GRIK3: variants seen among roughly 807,000 people sequenced by gnomAD.
GRIK3 encodes the protein glutamate ionotropic receptor kainate type subunit 3, also known as glutamate receptor ionotropic, kainate 3.
GRIK3 carries 29 observed loss-of-function variants against 102.5 expected under a neutral mutation model. The observed-to-expected ratio is 0.28, with a 90% CI of 0.21 to 0.39. GRIK3 has a LOEUF of 0.39. Ranked by LOEUF, GRIK3 falls within the 10% of genes least tolerant of loss-of-function variation. GRIK3 has a pLI of 1.00. For synonymous variants in GRIK3, 511 were observed against 504.9 expected (o/e 1.01, Z -0.16); for missense variants, 908 against 1,252.4 (o/e 0.73, Z 4.15).
At chr1:36,816,952 G>T in intron 13 of GRIK3, 108 bp downstream of exon 13, 2 of 736,870 alleles carry the variant, frequency 2.7e-6, no homozygotes, top group Non-Finnish European at 4.6e-6. Flanking sequence ...CTGACCCATT[G>T]GCCATGCGTG....
intron 1 of GRIK3, among the ~76,000 whole-genome samples, chr1:36,909,172 C>T (rs190711864): frequency 2.6e-5 from 4 of 152,310 alleles, no homozygotes; most frequent in Non-Finnish European, 5.9e-5. Context: ...TACCAGCTTT[C>T]AGGAGCCAAT....
At chr1:36,890,079 T>C (rs1381337449) in intron 2 of GRIK3, among the ~76,000 whole-genome samples, 2 of 151,960 alleles carry the variant, frequency 1.3e-5, no homozygotes, top group African/African-American at 2.4e-5. Flanking sequence ...GGGTCACGGG[T>C]GAAGGATCAC....
rs1642380120 is a variant in GRIK3, at chr1:36,797,460, A to G, written c.*4391T>C. Reference sequence around the variant, plus strand: ...GCCTGATTTAAACTGCCATGGGGACAGAGGGCACGGCCCTTCCATGGCAGC... The same window carrying G: ...GCCTGATTTAAACTGCCATGGGGACGGAGGGCACGGCCCTTCCATGGCAGC... On this transcript the variant is annotated 3_prime_UTR_variant, in exon 16 of 16. Coordinates refer to ENST00000373091, the MANE Select transcript of GRIK3 (RefSeq NM_000831.4). 6.6e-6 allele frequency: 1 copy of G among 152,170 alleles called. No individual in the cohort carries two copies. The highest frequency in any genetic ancestry group is 6.5e-5 in the Admixed American group (1 of 15,280). The allele number at this position is 152,170 out of a possible 1,614,324, so 9.4% of individuals were successfully genotyped here.
chr1:36,917,363 T>A (rs914509466), intron 1 of GRIK3, among the ~76,000 whole-genome samples: 4 of 152,184 alleles, frequency 2.6e-5, no homozygotes, highest in Non-Finnish European at 5.9e-5. Flanking sequence ...AATGCTGAAA[T>A]CAGTTAAAAC....
At chr1:36,820,600 T>C (rs1313736397) in intron 11 of GRIK3, among the ~76,000 whole-genome samples, 2 of 152,180 alleles carry the variant, frequency 1.3e-5, no homozygotes, top group Non-Finnish European at 2.9e-5. Flanking sequence ...ATTACATAAA[T>C]TTTTAAAAGT....
intron 1 of GRIK3, among the ~76,000 whole-genome samples, chr1:36,975,291 T>TTTTTTTTTTTG (rs1557448438): frequency 1.4e-5 from 2 of 144,004 alleles, no homozygotes; most frequent in African/African-American, 5.3e-5. Context: ...AAAGTTGGTT[T>TTTTTTTTTTTG]TTTTTTTTTT....
chr1:36,841,110 T>G (rs918837130), intron 10 of GRIK3, among the ~76,000 whole-genome samples: 4 of 152,100 alleles, frequency 2.6e-5, no homozygotes, highest in Admixed American at 2.0e-4. Flanking sequence ...CTTCTCCCTC[T>G]TCCTCCCAAT....
intron 1 of GRIK3, among the ~76,000 whole-genome samples, chr1:37,001,568 C>A (rs1244992106): frequency 6.6e-6 from 1 of 151,948 alleles, no homozygotes; most frequent in Non-Finnish European, 1.5e-5. Flanking sequence ...AGAGGCCTGG[C>A]CATTTGCTCA....
intron 1 of GRIK3, among the ~76,000 whole-genome samples, chr1:36,973,938 T>C (rs990253857): frequency 3.3e-5 from 5 of 152,020 alleles, no homozygotes; most frequent in African/African-American, 1.2e-4. Flanking sequence ...AAGCAGGAAG[T>C]GTGAGGGGGA....
At chr1:36,895,050 G>A (rs190050984) in intron 1 of GRIK3, among the ~76,000 whole-genome samples, 9 of 152,268 alleles carry the variant, frequency 5.9e-5, no homozygotes, top group South Asian at 2.1e-4. Flanking sequence ...TGTTGCGGGG[G>A]AGGTGGGGGA....
At chr1:36,890,843 C>T in intron 2 of GRIK3, 77 bp downstream of exon 2, 1 of 1,213,052 alleles carries the variant, frequency 8.2e-7, no homozygotes, top group South Asian at 1.8e-5. Context: ...GGCCCATTCC[C>T]AGGATCTTGG....
intron 1 of GRIK3, among the ~76,000 whole-genome samples, chr1:36,905,452 TG>T (rs1273446378): frequency 1.3e-5 from 2 of 151,498 alleles, no homozygotes. Flanking sequence ...CTTTTTTTTT[TG>T]TTTTCCAAGC....
At chr1:37,008,415 G>C (rs572450607) in intron 1 of GRIK3, among the ~76,000 whole-genome samples, 18 of 152,376 alleles carry the variant, frequency 1.2e-4, no homozygotes, top group Middle Eastern at 3.4e-3. Context: ...TGCAGATGGA[G>C]AGCGAACAAA....
At chr1:36,989,997 G>A (rs1642347525) in intron 1 of GRIK3, among the ~76,000 whole-genome samples, 1 of 152,220 alleles carries the variant, frequency 6.6e-6, no homozygotes, top group Admixed American at 6.5e-5. Flanking sequence ...AGCACAGGGA[G>A]GCTAAGGTAC....
chr1:36,959,479 CTGTGCCCTGTGAGCCTG>C (rs1297505063), intron 1 of GRIK3, among the ~76,000 whole-genome samples: 1 of 128,476 alleles, frequency 7.8e-6, no homozygotes, highest in African/African-American at 2.7e-5. Flanking sequence ...GCCCCTGACT[CTGTGCCCTGTGAGCCTG>C]TGTGCCCTGT....
intron 4 of GRIK3, among the ~76,000 whole-genome samples, chr1:36,871,674 T>C (rs1390428285): frequency 6.6e-6 from 1 of 152,192 alleles, no homozygotes; most frequent in Non-Finnish European, 1.5e-5. Flanking sequence ...CCTCCCCCTC[T>C]GTCACTGCAG....
At chr1:36,853,831 C>T in intron 7 of GRIK3, 109 bp from the exon 8 acceptor site, 1 of 686,186 alleles carries the variant, frequency 1.5e-6, no homozygotes, top group Non-Finnish European at 2.7e-6. Context: ...TACTGTTCCC[C>T]CAAGACCATG....
At chr1:36,810,508 G>C (rs1264481582) in intron 13 of GRIK3, among the ~76,000 whole-genome samples, 1 of 152,174 alleles carries the variant, frequency 6.6e-6, no homozygotes, top group Non-Finnish European at 1.5e-5. Context: ...GAAGCAAATT[G>C]ATTTTCCCTG....
At chr1:36,997,885 A>G (rs1642436664) in intron 1 of GRIK3, among the ~76,000 whole-genome samples, 1 of 152,206 alleles carries the variant, frequency 6.6e-6, no homozygotes, top group African/African-American at 2.4e-5. Context: ...TGGCCATACC[A>G]GGCCTAGGGA....
Sources: allele counts gnomAD v4.1 joint callset (sites outside exome capture counted in the v4.1 genomes callset), GRCh38; gene constraint gnomAD v4.1.1; transcripts MANE v1.5; gene names NCBI Gene and HGNC (gene_info 2026-07-23, HGNC 2026-07-21).